Variants in SMYD3 observed in about 807,000 individuals in gnomAD.
SMYD3 encodes the protein SET and MYND domain containing 3, also known as histone-lysine N-methyltransferase SMYD3.
Under a neutral mutation model 57.7 loss-of-function variants are expected in SMYD3, and 36 were observed. That is an observed-to-expected ratio of 0.62 (90% CI 0.48 to 0.82). SMYD3 has a LOEUF of 0.82. Among genes scored for constraint, SMYD3 ranks in the 40% least tolerant of loss-of-function variants. The probability of loss-of-function intolerance (pLI) is 0.00; values close to 1 mark genes in which losing one functional copy is unlikely to be tolerated. For missense variants in SMYD3, 515 were observed against 538.8 expected, an observed-to-expected ratio of 0.96 and a Z score of 0.44; for synonymous variants, 211 against 195.0, an observed-to-expected ratio of 1.08 and a Z score of -0.68.
At chr1:246,041,520 C>CTG (rs1211520872) in intron 5 of SMYD3, among the ~76,000 whole-genome samples, 2 of 152,108 alleles carry the variant, frequency 1.3e-5, no homozygotes, top group African/African-American at 4.8e-5. Flanking sequence ...AGGAAAGTCT[C>CTG]TGTGTGTGTG....
At chr1:245,814,417 T>G (rs1164063751) in intron 10 of SMYD3, 8 of 982,388 alleles carry the variant, frequency 8.1e-6, no homozygotes, top group Non-Finnish European at 8.4e-6. Flanking sequence ...CTTCTTCAAC[T>G]GGGGGCAAAA....
At chr1:246,067,854 G>A (rs2060369613) in intron 5 of SMYD3, among the ~76,000 whole-genome samples, 1 of 152,140 alleles carries the variant, frequency 6.6e-6, no homozygotes, top group South Asian at 2.1e-4. Flanking sequence ...AGAGGCTGAG[G>A]TCCGTCAGCA....
chr1:246,121,580 T>G (rs888009168), intron 5 of SMYD3, among the ~76,000 whole-genome samples: 1 of 152,206 alleles, frequency 6.6e-6, no homozygotes, highest in Non-Finnish European at 1.5e-5. Flanking sequence ...AGTCTACATA[T>G]TTAATTTTCA....
chr1:246,290,324 T>G (rs1197651), intron 5 of SMYD3, among the ~76,000 whole-genome samples: 69,763 of 151,992 alleles, frequency 0.46, 16,952 homozygotes, highest in East Asian at 0.82. Flanking sequence ...TTTGGACTGT[T>G]CATTTCAGTT....
intron 5 of SMYD3, among the ~76,000 whole-genome samples, chr1:246,030,752 A>G (rs6669961): frequency 6.6e-6 from 1 of 151,878 alleles, no homozygotes; most frequent in South Asian, 2.1e-4. Context: ...CATAAATACA[A>G]ACCCGCACAC....
In SMYD3 at chr1:246,304,627, CT is replaced by C. The variant is rs901807394; in HGVS notation, c.531+22573del. On this transcript the variant is annotated intron_variant, in intron 5 of 11. Coordinates refer to ENST00000490107, the MANE Select transcript of SMYD3 (RefSeq NM_001167740.2). ...CATGAAAATCCACTTACTAGCACTG[CT>C]AGAGTTTGGAGTTTTCTCTTTATCC... Among the ~76,000 whole-genome samples the C allele has an allele frequency of 1.5e-4, 23 of 152,144 alleles. 1 individual carries two copies. Among genetic ancestry groups the C allele is most frequent in the Non-Finnish European group, 3.2e-4 (22 of 68,018 alleles).
At chr1:246,109,412 AAGCT>A (rs1355968135) in intron 5 of SMYD3, among the ~76,000 whole-genome samples, 6 of 152,214 alleles carry the variant, frequency 3.9e-5, no homozygotes, top group Non-Finnish European at 8.8e-5. Context: ...TTGAGGTTCA[AAGCT>A]AGCTCAAGGG....
intron 5 of SMYD3, among the ~76,000 whole-genome samples, chr1:246,117,102 C>G (rs904984366): frequency 1.3e-5 from 2 of 152,188 alleles, no homozygotes; most frequent in Non-Finnish European, 2.9e-5. Flanking sequence ...GAAAGCTGTA[C>G]TGAATTACAA....
intron 10 of SMYD3, among the ~76,000 whole-genome samples, chr1:245,854,833 G>A (rs1328291178): frequency 6.6e-6 from 1 of 152,292 alleles, no homozygotes; most frequent in Non-Finnish European, 1.5e-5. Flanking sequence ...TGGGAAAGCA[G>A]AATAAAAGGA....
chr1:246,269,537 T>A (rs1478486428), intron 5 of SMYD3, among the ~76,000 whole-genome samples: 1 of 129,678 alleles, frequency 7.7e-6, no homozygotes, highest in Non-Finnish European at 1.7e-5. Context: ...CTGTTTCTTT[T>A]TTTTTCTTTT....
intron 1 of SMYD3, among the ~76,000 whole-genome samples, chr1:246,408,153 T>C (rs1357995607): frequency 2.6e-5 from 4 of 151,990 alleles, no homozygotes; most frequent in Admixed American, 6.6e-5. Context: ...ACCTTAGGGG[T>C]TAAGATCACA....
At chr1:246,029,642 A>T (rs1478550205) in intron 5 of SMYD3, among the ~76,000 whole-genome samples, 1 of 149,722 alleles carries the variant, frequency 6.7e-6, no homozygotes, top group Non-Finnish European at 1.5e-5. Flanking sequence ...ACTGCACTCC[A>T]GCCTGGCTGA....
At chr1:245,755,166 T>G (rs2045556663) in intron 11 of SMYD3, among the ~76,000 whole-genome samples, 1 of 152,240 alleles carries the variant, frequency 6.6e-6, no homozygotes, top group Non-Finnish European at 1.5e-5. Flanking sequence ...TTGTACAATG[T>G]GCCATGCCAG....
At chr1:245,753,654 C>T (rs2885657) in intron 11 of SMYD3, among the ~76,000 whole-genome samples, 6,930 of 152,088 alleles carry the variant, frequency 0.046, 488 homozygotes, top group African/African-American at 0.15. Flanking sequence ...CAACGATGTA[C>T]GGAGAGGGCC....
chr1:246,311,438 AT>A (rs960286578), intron 5 of SMYD3, among the ~76,000 whole-genome samples: 1 of 152,246 alleles, frequency 6.6e-6, no homozygotes, highest in Non-Finnish European at 1.5e-5. Flanking sequence ...CCAGGAAAGG[AT>A]TTACAAAATG....
In SMYD3 at chr1:246,362,895, A is replaced by G. The variant is rs1474005443; in HGVS notation, c.165-7801T>C. 2.7e-5 allele frequency among the ~76,000 whole-genome samples: 4 copies of G among 150,522 alleles called. No individual in the cohort carries two copies. The East Asian group carries it at 6.0e-4, about 23-fold the overall frequency. On this transcript the variant is annotated intron_variant, in intron 1 of 11. Coordinates refer to ENST00000490107, the MANE Select transcript of SMYD3 (RefSeq NM_001167740.2). ...TGCCCGGCCGCCACCCCGTCTGGGAAGTGAGGAGCGTCTCTGCCTGGCCGC... is the reference window on the plus strand; with the variant it reads ...TGCCCGGCCGCCACCCCGTCTGGGAGGTGAGGAGCGTCTCTGCCTGGCCGC...
intron 1 of SMYD3, among the ~76,000 whole-genome samples, chr1:246,456,599 T>C (rs893224277): frequency 2.6e-5 from 4 of 152,254 alleles, no homozygotes; most frequent in African/African-American, 7.2e-5. Context: ...CACAGTATTC[T>C]GTCTATGCCT....
intron 5 of SMYD3, among the ~76,000 whole-genome samples, chr1:246,267,444 C>T (rs935313718): frequency 2.4e-4 from 36 of 152,178 alleles, no homozygotes; most frequent in African/African-American, 8.2e-4. Context: ...TCCATAGGCA[C>T]ATCCTTAAAA....
At chr1:246,042,254 C>T (rs2059891391) in intron 5 of SMYD3, among the ~76,000 whole-genome samples, 1 of 152,130 alleles carries the variant, frequency 6.6e-6, no homozygotes, top group Non-Finnish European at 1.5e-5. Flanking sequence ...ACTTACGTTT[C>T]TCTGGATTCA....
Sources: gnomAD v4.1 joint callset for allele counts (sites outside exome capture counted in the v4.1 genomes callset) on GRCh38, gnomAD v4.1.1 for gene constraint, MANE v1.5 for transcripts, NCBI Gene and HGNC (gene_info 2026-07-23, HGNC 2026-07-21) for gene names.